The following NAAA variants were observed in gnomAD, a reference collection of about 807,000 sequenced individuals.
NAAA encodes the protein N-acylethanolamine-hydrolyzing acid amidase.
Under a neutral mutation model 44.8 loss-of-function variants are expected in NAAA, and 39 were observed. The observed-to-expected ratio is 0.87, with a 90% CI of 0.67 to 1.14. NAAA has a LOEUF of 1.14. Ranked by LOEUF, NAAA falls within the 50% of genes most tolerant of loss-of-function variation. NAAA has a pLI of 0.00. For synonymous variants in NAAA, 178 were observed against 191.3 expected (o/e 0.93, Z 0.58); for missense variants, 460 against 467.8 (o/e 0.98, Z 0.15).
intron 6 of NAAA, 47 bp from the exon 7 acceptor site, chr4:75,920,847 A>G: frequency 6.2e-7 from 1 of 1,613,810 alleles, no homozygotes. Context: ...AATTTACGAC[A>G]TAGCAGAGGA....
chr4:75,939,076 C>G (rs1727984301), intron 2 of NAAA, among the ~76,000 whole-genome samples: 2 of 152,292 alleles, frequency 1.3e-5, no homozygotes, highest in African/African-American at 4.8e-5. Flanking sequence ...TGGTCTTGAA[C>G]TCCTGACCTC....
downstream of NAAA, among the ~76,000 whole-genome samples, chr4:75,913,266 C>G (rs1033699223): frequency 2.0e-5 from 3 of 151,932 alleles, no homozygotes; most frequent in African/African-American, 7.2e-5. Flanking sequence ...GCCTCACTGT[C>G]TACCCTCTTT....
chr4:75,921,218 T>C (rs575028235), intron 5 of NAAA, 95 bp from the exon 6 acceptor site: 15 of 1,141,268 alleles, frequency 1.3e-5, no homozygotes, highest in East Asian at 5.1e-5. Flanking sequence ...TCTCCTGATA[T>C]GTTATGTCAT....
intron 3 of NAAA, among the ~76,000 whole-genome samples, chr4:75,932,169 C>T (rs774807217): frequency 3.9e-5 from 6 of 152,092 alleles, no homozygotes; most frequent in African/African-American, 1.4e-4. Context: ...GCGGAGGTTG[C>T]GGTGAACCGA....
At chr4:75,924,756 T>C (rs889169526) in intron 5 of NAAA, among the ~76,000 whole-genome samples, 1 of 152,248 alleles carries the variant, frequency 6.6e-6, no homozygotes, top group Non-Finnish European at 1.5e-5. Flanking sequence ...AACCAAACTC[T>C]AGCCAGGCTC....
chr4:75,933,122 G>C (rs1408075092), intron 3 of NAAA, among the ~76,000 whole-genome samples: 1 of 108,890 alleles, frequency 9.2e-6, no homozygotes, highest in Non-Finnish European at 1.8e-5. Context: ...GACAGAACAA[G>C]ACTCTGTCTC....
Position 75,913,667 on chromosome 4 carries a change from G to A in NAAA, c.*708C>T. 1.0e-6 allele frequency: 1 copy of A among 980,808 alleles called. No individual in the cohort carries two copies. The highest frequency in any genetic ancestry group is 1.2e-6 in the Non-Finnish European group (1 of 825,846). The allele number at this position is 980,808 out of a possible 1,614,324, so 60.8% of individuals were successfully genotyped here. A position where few individuals can be genotyped will look rare whatever the true frequency, so the allele number is the denominator to read the frequency against. On this transcript the variant is annotated 3_prime_UTR_variant, in exon 11 of 11. Coordinates refer to ENST00000286733, the MANE Select transcript of NAAA (RefSeq NM_014435.4). ...GGAGAGCATAACGCTAAGTTTCTTG[G>A]AAATTTTTTTATTCTCCTTGCCAAC... is the stretch of plus-strand genomic sequence containing the variant.
chr4:75,913,956 T>A lies in NAAA; in HGVS notation c.*419A>T, dbSNP rs975924976. 1 of 985,338 alleles carries A rather than the reference T, an allele frequency of 1.0e-6. No individual in the cohort carries two copies. Among genetic ancestry groups the A allele is most frequent in the African/African-American group, 1.7e-5 (1 of 57,240 alleles). The allele number at this position is 985,338 out of a possible 1,614,324, so 61.0% of individuals were successfully genotyped here. On this transcript the variant is annotated 3_prime_UTR_variant, in exon 11 of 11. Coordinates refer to ENST00000286733, the MANE Select transcript of NAAA (RefSeq NM_014435.4). ...TTCAGATGAGCCTTTTTTCTTAGGC[T>A]CTTTCAGAAGCACTTCACAATGAAC...
intron 4 of NAAA, among the ~76,000 whole-genome samples, chr4:75,928,504 CG>C (rs1252979257): frequency 6.6e-6 from 1 of 151,958 alleles, no homozygotes; most frequent in Non-Finnish European, 1.5e-5. Flanking sequence ...ACATGGGAAA[CG>C]AGGAGAGGGA....
At chr4:75,930,313 G>A (rs1430722905) in intron 4 of NAAA, among the ~76,000 whole-genome samples, 2 of 152,116 alleles carry the variant, frequency 1.3e-5, no homozygotes, top group African/African-American at 4.8e-5. Flanking sequence ...CTGGGGAATG[G>A]CAGTGGGGAT....
At chr4:75,940,576 G>A (rs1199592295) in intron 1 of NAAA, among the ~76,000 whole-genome samples, 168 bp downstream of exon 1, 1 of 152,264 alleles carries the variant, frequency 6.6e-6, no homozygotes, top group Non-Finnish European at 1.5e-5. Context: ...AACCTGCCGC[G>A]CTGGATTCTC....
At position 75,940,888 on chromosome 4, in the gene NAAA, G is replaced by C. The variant is rs988582665; in HGVS notation, c.62C>G (p.Ala21Gly). The change falls in exon 1 of 11, where the codon GCC becomes GGC. Residue 21 changes from alanine (A) to glycine (G), a missense_variant. Coordinates refer to ENST00000286733, the MANE Select transcript of NAAA (RefSeq NM_014435.4). ...GLPSLLLLLL[A>G]GAGLSAASPP... ...CGAGGCGGCTGACAGCCCGGCCCCG[G>C]CCAGCAGCAGCAGCAGCAGGGACGG... 3 of 1,551,662 alleles carry C rather than the reference G, an allele frequency of 1.9e-6. No homozygotes were observed. The African/African-American group carries it at 4.2e-5, about 22-fold the overall frequency.
intron 2 of NAAA, 199 bp downstream of exon 2, chr4:75,939,802 G>A: frequency 1.7e-6 from 1 of 595,834 alleles, no homozygotes; most frequent in Non-Finnish European, 2.9e-6. Context: ...GTGTTGAATC[G>A]GAGAATCTGC....
intron 9 of NAAA, among the ~76,000 whole-genome samples, chr4:75,918,404 G>A (rs59853148): frequency 2.6e-5 from 4 of 151,966 alleles, no homozygotes; most frequent in Non-Finnish European, 4.4e-5. Flanking sequence ...GCAGTGAGCC[G>A]AGATTGCGCC....
chr4:75,934,088 A>C (rs1346581972), intron 3 of NAAA, among the ~76,000 whole-genome samples: 1 of 104,764 alleles, frequency 9.5e-6, no homozygotes, highest in Non-Finnish European at 2.1e-5. Flanking sequence ...AATAATAATA[A>C]TAATAATAAT....
chr4:75,915,000 G>A lies in NAAA; in HGVS notation c.999-15C>T. ...AAATTGTGAAGCTGAAAATTATGAGGAAATTTTATGTACACATCATTTTCT... is the reference window on the plus strand; with the variant it reads ...AAATTGTGAAGCTGAAAATTATGAGAAAATTTTATGTACACATCATTTTCT... On this transcript the variant is annotated splice_polypyrimidine_tract_variant and intron_variant, in intron 9 of 10. Transcript: ENST00000286733. 1.3e-6 allele frequency: 2 copies of A among 1,543,460 alleles called. No homozygotes were observed. Among genetic ancestry groups the A allele is most frequent in the Non-Finnish European group, 1.8e-6 (2 of 1,116,200 alleles).
intron 10 of NAAA, among the ~76,000 whole-genome samples, 193 bp from the exon 11 acceptor site, chr4:75,914,531 A>T (rs1250461862): frequency 6.6e-6 from 1 of 151,730 alleles, no homozygotes; most frequent in Non-Finnish European, 1.5e-5. Context: ...CCACCACCAC[A>T]CCTGGCTAAC....
At chr4:75,927,633 G>A (rs1340668606) in intron 4 of NAAA, among the ~76,000 whole-genome samples, 1 of 95,772 alleles carries the variant, frequency 1.0e-5, no homozygotes, top group Non-Finnish European at 1.9e-5. Flanking sequence ...AATTTTTAAT[G>A]CCCCCCCCCC....
downstream of NAAA, among the ~76,000 whole-genome samples, chr4:75,911,986 C>T (rs762009526): frequency 8.5e-5 from 13 of 152,166 alleles, no homozygotes; most frequent in Admixed American, 2.0e-4. Flanking sequence ...TGCCCAGGAA[C>T]GAGCAAGGAC....
Sources: allele counts gnomAD v4.1 joint callset (sites outside exome capture counted in the v4.1 genomes callset), GRCh38; gene constraint gnomAD v4.1.1; transcripts MANE v1.5; gene names NCBI Gene and HGNC (gene_info 2026-07-23, HGNC 2026-07-21).